The following ADAMTSL1 variants were observed in gnomAD, a reference collection of about 807,000 sequenced individuals.
ADAMTSL1 encodes the protein ADAMTS-like protein 1.
In ADAMTSL1, 126 loss-of-function variants were observed where a neutral mutation model predicts 201.8. The ratio of observed to expected loss-of-function variants is 0.62; its 90% confidence interval spans 0.54 to 0.72. The LOEUF is 0.72. Ranked by LOEUF, ADAMTSL1 falls within the 30% of genes least tolerant of loss-of-function variation. The pLI is 0.00. For missense variants in ADAMTSL1, 2,679 were observed against 2,277.8 expected, an observed-to-expected ratio of 1.18 and a Z score of -3.59; for synonymous variants, 1,121 against 903.4, an observed-to-expected ratio of 1.24 and a Z score of -4.32.
chr9:18,109,735 C>G (rs948655691), intron 1 of ADAMTSL1, among the ~76,000 whole-genome samples: 10 of 152,132 alleles, frequency 6.6e-5, no homozygotes, highest in Admixed American at 4.6e-4. Context: ...GAACTTGAAC[C>G]CAATGTCCCT....
chr9:18,582,047 A>G lies in ADAMTSL1; in HGVS notation c.474+7781A>G, dbSNP rs112970779. ...CTTGCAATTAACAGGTATCCAAGCC[A>G]TCAAACAAGGGGGTCCTCTACAGTT... On this transcript the variant is annotated intron_variant, in intron 4 of 28. Coordinates refer to ENST00000380548, the MANE Select transcript of ADAMTSL1 (RefSeq NM_001040272.6). Among the ~76,000 whole-genome samples the G allele has an allele frequency of 4.8e-4, 73 of 152,318 alleles. 2 individuals are homozygous for G. Among genetic ancestry groups the G allele is most frequent in the African/African-American group, 1.7e-3 (69 of 41,590 alleles).
At chr9:18,076,981 A>AT (rs984197950) in intron 1 of ADAMTSL1, among the ~76,000 whole-genome samples, 6 of 152,192 alleles carry the variant, frequency 3.9e-5, no homozygotes, top group African/African-American at 1.4e-4. Context: ...GCTACGGAAG[A>AT]TAAAGAAAAA....
At chr9:18,849,285 G>A (rs551169025) in intron 23 of ADAMTSL1, among the ~76,000 whole-genome samples, 396 of 152,124 alleles carry the variant, frequency 2.6e-3, no homozygotes, top group African/African-American at 9.1e-3. Context: ...TTTATCATCC[G>A]TCCCACATAC....
chr9:18,588,818 G>C (rs1823694573), intron 4 of ADAMTSL1, among the ~76,000 whole-genome samples: 1 of 141,086 alleles, frequency 7.1e-6, no homozygotes, highest in South Asian at 2.2e-4. Flanking sequence ...TGGTGTATCT[G>C]TCTGTTTTTA....
chr9:18,399,304 TA>T lies in ADAMTSL1; in HGVS notation c.208-105524del, dbSNP rs1817879664. 1.8e-5 allele frequency among the ~76,000 whole-genome samples: 2 copies of T among 113,216 alleles called. 1 individual carries two copies. The highest frequency in any genetic ancestry group is 6.5e-5 in the African/African-American group (2 of 30,624). 74.3% of individuals were successfully genotyped at this position (113,216 alleles called of 152,430 possible). On this transcript the variant is annotated intron_variant, in intron 2 of 29. Transcript: ENST00000680146. ...ACATATATATATATATATATATATA[TA>T]TATATATATATATATATATATATAA...
chr9:18,154,213 C>A (rs1024502353), intron 1 of ADAMTSL1, among the ~76,000 whole-genome samples: 5 of 151,990 alleles, frequency 3.3e-5, no homozygotes, highest in African/African-American at 1.2e-4. Context: ...CCATGGTGTT[C>A]CATTGACCTA....
chr9:18,317,233 G>A (rs932914398), intron 2 of ADAMTSL1, among the ~76,000 whole-genome samples: 1 of 152,116 alleles, frequency 6.6e-6, no homozygotes, highest in Non-Finnish European at 1.5e-5. Flanking sequence ...AGGGGCTAGA[G>A]GAAGGGATGA....
intron 4 of ADAMTSL1, among the ~76,000 whole-genome samples, chr9:18,613,680 C>T (rs986461899): frequency 2.0e-5 from 3 of 151,896 alleles, no homozygotes; most frequent in African/African-American, 7.3e-5. Context: ...GGGTAAATGA[C>T]AAGAACACAT....
rs533592680 is a variant in ADAMTSL1 at position 18,024,497 on chromosome 9, G to GT, written c.87+117576dup. On this transcript the variant is annotated intron_variant, in intron 1 of 29. Transcript: ENST00000680146. ...TGAATTCAATGTTTAGTTCCTACTTGTAAGTGAGAACATGTGGTGTTTATT... is the reference window on the plus strand; with the variant it reads ...TGAATTCAATGTTTAGTTCCTACTTGTTAAGTGAGAACATGTGGTGTTTATT... Among the ~76,000 whole-genome samples, 234 of 152,074 alleles carry GT rather than the reference G, an allele frequency of 1.5e-3. 7 individuals are homozygous for GT. The South Asian group carries it at 0.048, about 31-fold the overall frequency.
chr9:18,906,072 G>A (rs548919459), intron 27 of ADAMTSL1, among the ~76,000 whole-genome samples, 181 bp downstream of exon 27: 2 of 152,326 alleles, frequency 1.3e-5, no homozygotes, highest in East Asian at 3.9e-4. Flanking sequence ...TGTCGGTCTT[G>A]TGCTTATCTA....
intron 1 of ADAMTSL1, among the ~76,000 whole-genome samples, chr9:17,915,322 G>T (rs79072634): frequency 0.014 from 2,151 of 152,234 alleles, 46 homozygotes; most frequent in African/African-American, 0.05. Flanking sequence ...TTAACTGAAA[G>T]GAGGCTTTTG....
chr9:18,224,367 G>A (rs1830369233), intron 2 of ADAMTSL1, among the ~76,000 whole-genome samples: 1 of 151,810 alleles, frequency 6.6e-6, no homozygotes, highest in South Asian at 2.1e-4. Context: ...GCAAAAATGG[G>A]GACAAAAACT....
intron 15 of ADAMTSL1, among the ~76,000 whole-genome samples, chr9:18,750,060 A>G (rs1050035993): frequency 6.6e-6 from 1 of 152,224 alleles, no homozygotes; most frequent in Non-Finnish European, 1.5e-5. Flanking sequence ...TAAGACATAC[A>G]AAGAGGGTTC....
intron 1 of ADAMTSL1, among the ~76,000 whole-genome samples, chr9:18,153,994 T>C (rs148008906): frequency 2.6e-5 from 4 of 152,134 alleles, no homozygotes; most frequent in African/African-American, 9.6e-5. Flanking sequence ...TTGAGATTTA[T>C]AGCATCAGAC....
chr9:18,660,420 G>T (rs1346141394), intron 8 of ADAMTSL1, among the ~76,000 whole-genome samples: 2 of 152,072 alleles, frequency 1.3e-5, no homozygotes, highest in Non-Finnish European at 2.9e-5. Flanking sequence ...GATGATTTTG[G>T]TCATTTCCTT....
At chr9:18,736,103 C>T (rs1818488369) in intron 15 of ADAMTSL1, among the ~76,000 whole-genome samples, 2 of 152,012 alleles carry the variant, frequency 1.3e-5, no homozygotes, top group Admixed American at 6.5e-5. Flanking sequence ...TGATGTAAAG[C>T]CACCAAAACT....
intron 4 of ADAMTSL1, among the ~76,000 whole-genome samples, chr9:18,617,842 C>T (rs1000027095): frequency 4.6e-5 from 7 of 152,174 alleles, no homozygotes; most frequent in Admixed American, 3.9e-4. Context: ...ATAAGCAACA[C>T]TGTGCAGTGA....
chr9:18,316,168 A>G (rs907714865), intron 2 of ADAMTSL1, among the ~76,000 whole-genome samples: 1 of 152,148 alleles, frequency 6.6e-6, no homozygotes, highest in Admixed American at 6.5e-5. Flanking sequence ...TTACACGGTA[A>G]TAGAATATCA....
At chr9:18,626,823 TTCTTTC>T (rs1053657726) in intron 5 of ADAMTSL1, among the ~76,000 whole-genome samples, 2 of 143,340 alleles carry the variant, frequency 1.4e-5, no homozygotes, top group African/African-American at 5.1e-5. Context: ...CTTTCTTTCT[TTCTTTC>T]TTACTTTCTT....
Sources: gnomAD v4.1 joint callset for allele counts (sites outside exome capture counted in the v4.1 genomes callset) on GRCh38, gnomAD v4.1.1 for gene constraint, MANE v1.5 for transcripts, NCBI Gene and HGNC (gene_info 2026-07-23, HGNC 2026-07-21) for gene names.